Variants in MAST4 observed in about 807,000 individuals in gnomAD.
MAST4 encodes the protein microtubule associated serine/threonine kinase family member 4.
A neutral mutation model predicts 162.7 loss-of-function variants in MAST4; 89 were observed. The observed-to-expected ratio is 0.55, with a 90% CI of 0.46 to 0.65. The LOEUF (loss-of-function observed/expected upper bound fraction) is 0.65, where lower values mean the gene tolerates loss of function less well. MAST4 is among the 30% of genes least tolerant of loss of function. MAST4 has a pLI of 0.00. For missense variants in MAST4, 3,153 were observed against 3,374.0 expected, an observed-to-expected ratio of 0.93 and a Z score of 1.62; for synonymous variants, 1,479 against 1,361.1, an observed-to-expected ratio of 1.09 and a Z score of -1.91.
At chr5:67,024,641 T>A (rs1339288442) in intron 4 of MAST4, among the ~76,000 whole-genome samples, 1 of 152,088 alleles carries the variant, frequency 6.6e-6, no homozygotes, top group African/African-American at 2.4e-5. Flanking sequence ...TTTTCTTAGA[T>A]GTTTGAGTTT....
At chr5:66,883,894 CT>C (rs1316095529) in intron 3 of MAST4, among the ~76,000 whole-genome samples, 2 of 152,078 alleles carry the variant, frequency 1.3e-5, no homozygotes, top group Non-Finnish European at 2.9e-5. Context: ...GTAGCTCTTG[CT>C]TTTAGTCTTT....
At chr5:66,939,505 A>G (rs558305660) in intron 4 of MAST4, among the ~76,000 whole-genome samples, 1 of 152,016 alleles carries the variant, frequency 6.6e-6, no homozygotes, top group Non-Finnish European at 1.5e-5. Context: ...TTACCTTTTC[A>G]TTGTATTTTG....
At chr5:66,900,174 G>A (rs944541427) in intron 4 of MAST4, among the ~76,000 whole-genome samples, 192 bp downstream of exon 4, 35 of 151,934 alleles carry the variant, frequency 2.3e-4, no homozygotes, top group Non-Finnish European at 4.0e-4. Context: ...TTCCATATGG[G>A]CATTGCAAAC....
At chr5:66,621,148 G>T (rs1294172039) in intron 1 of MAST4, among the ~76,000 whole-genome samples, 1 of 152,134 alleles carries the variant, frequency 6.6e-6, no homozygotes, top group Non-Finnish European at 1.5e-5. Flanking sequence ...GAAAAATGAA[G>T]TCGGAGATTT....
intron 4 of MAST4, among the ~76,000 whole-genome samples, chr5:67,049,042 C>CATATATAT (rs1757799037): frequency 1.9e-5 from 1 of 51,314 alleles, no homozygotes; most frequent in Non-Finnish European, 3.7e-5. Context: ...TATATATATA[C>CATATATAT]GTGTATATAT....
rs1491176032 is a variant in MAST4, at chr5:67,049,040, T to TAC, written c.675-5363_675-5362dup. Among the ~76,000 whole-genome samples the TAC allele has an allele frequency of 2.0e-4, 19 of 96,700 alleles. 1 individual carries two copies. Among genetic ancestry groups the TAC allele is most frequent in the Non-Finnish European group, 3.4e-4 (17 of 50,564 alleles). 63.4% of individuals were successfully genotyped at this position (96,700 alleles called of 152,430 possible). Reference sequence around the variant, plus strand: ...ATATATACGTATATATATATATATATACGTGTATATATATATATACGTATA... The same window carrying TAC: ...ATATATACGTATATATATATATATATACACGTGTATATATATATATACGTATA... On this transcript the variant is annotated intron_variant, in intron 4 of 28. Transcript: ENST00000403625.
At chr5:66,913,718 A>G (rs948237992) in intron 4 of MAST4, among the ~76,000 whole-genome samples, 1 of 152,200 alleles carries the variant, frequency 6.6e-6, no homozygotes, top group Admixed American at 6.5e-5. Flanking sequence ...CCCTAATCCA[A>G]AGTCACAAAG....
At chr5:67,119,015 C>T (rs78835938) in intron 13 of MAST4, among the ~76,000 whole-genome samples, 1 of 152,230 alleles carries the variant, frequency 6.6e-6, no homozygotes, top group East Asian at 1.9e-4. Context: ...TAAGAAGGGG[C>T]AAAAGGAACA....
At chr5:66,708,840 T>C (rs1750311553) in intron 1 of MAST4, among the ~76,000 whole-genome samples, 2 of 152,184 alleles carry the variant, frequency 1.3e-5, no homozygotes, top group African/African-American at 4.8e-5. Flanking sequence ...GTAGCAGTGT[T>C]TCTAAAAATA....
chr5:67,122,874 C>CTTGG lies in MAST4; in HGVS notation c.1745+1772_1745+1773insTTGG, dbSNP rs1224541102. On this transcript the variant is annotated intron_variant, in intron 14 of 28. Coordinates refer to ENST00000403625, the MANE Select transcript of MAST4 (RefSeq NM_001164664.2). ...TAAACAAGCTGTGAATCAGTAAACA[C>CTTGG]CCAGGATGCAGGCCAAGTCATTAAT... Among the ~76,000 whole-genome samples, 14 of 152,282 alleles carry CTTGG rather than the reference C, an allele frequency of 9.2e-5. No homozygotes were observed. The East Asian group carries it at 2.5e-3, about 27-fold the overall frequency.
intron 4 of MAST4, among the ~76,000 whole-genome samples, chr5:67,053,334 T>C (rs1758410475): frequency 6.6e-6 from 1 of 152,222 alleles, no homozygotes; most frequent in South Asian, 2.1e-4. Flanking sequence ...GTACCTAAAT[T>C]AGAAGTCCAG....
intron 3 of MAST4, among the ~76,000 whole-genome samples, chr5:66,822,619 A>AG (rs1187027338): frequency 6.6e-6 from 1 of 152,128 alleles, no homozygotes; most frequent in Non-Finnish European, 1.5e-5. Flanking sequence ...CCTCCTGCCC[A>AG]GGGGGGTATC....
intron 7 of MAST4, among the ~76,000 whole-genome samples, chr5:67,095,981 T>C (rs1341308982): frequency 6.6e-6 from 1 of 152,028 alleles, no homozygotes; most frequent in African/African-American, 2.4e-5. Context: ...AATCTAGTTT[T>C]ATTGCTTTGG....
intron 6 of MAST4, chr5:67,094,268 AC>A: frequency 1.5e-6 from 1 of 661,176 alleles, no homozygotes; most frequent in South Asian, 3.3e-5. Context: ...TGGAGGTTAC[AC>A]CCATGGCAGC....
intron 1 of MAST4, among the ~76,000 whole-genome samples, chr5:66,756,674 T>C (rs1427860664): frequency 1.3e-5 from 2 of 152,112 alleles, no homozygotes; most frequent in East Asian, 1.9e-4. Flanking sequence ...AAATGAAAAA[T>C]AAATTGCAGG....
At chr5:67,125,440 C>G (rs1022881966) in intron 14 of MAST4, among the ~76,000 whole-genome samples, 1 of 151,884 alleles carries the variant, frequency 6.6e-6, no homozygotes, top group African/African-American at 2.4e-5. Flanking sequence ...GTGTGATGTT[C>G]CCCTCCCTGT....
intron 1 of MAST4, among the ~76,000 whole-genome samples, chr5:66,610,893 T>G (rs988796589): frequency 1.3e-5 from 2 of 152,254 alleles, no homozygotes; most frequent in South Asian, 4.1e-4. Flanking sequence ...CCAAGACTCC[T>G]TCACAAATGG....
At chr5:66,973,713 G>C (rs764762373) in intron 4 of MAST4, among the ~76,000 whole-genome samples, 8 of 152,114 alleles carry the variant, frequency 5.3e-5, no homozygotes, top group Non-Finnish European at 1.2e-4. Context: ...TTACATTGCT[G>C]TTTGTCACAG....
intron 4 of MAST4, among the ~76,000 whole-genome samples, chr5:67,049,434 T>G (rs530146406): frequency 5.3e-5 from 8 of 152,194 alleles, no homozygotes; most frequent in Non-Finnish European, 1.2e-4. Flanking sequence ...CTAGACAATT[T>G]CTGCCTCCTG....
Sources: allele counts gnomAD v4.1 joint callset (sites outside exome capture counted in the v4.1 genomes callset), GRCh38; gene constraint gnomAD v4.1.1; transcripts MANE v1.5; gene names NCBI Gene and HGNC (gene_info 2026-07-23, HGNC 2026-07-21).